The following SHISA9 variants were observed in gnomAD, a reference collection of about 807,000 sequenced individuals.
SHISA9 encodes protein shisa-9.
A neutral mutation model predicts 38.0 loss-of-function variants in SHISA9; 13 were observed. That is an observed-to-expected ratio of 0.34 (90% CI 0.22 to 0.54). The LOEUF (loss-of-function observed/expected upper bound fraction) is 0.54. Among genes scored for constraint, SHISA9 ranks in the 20% least tolerant of loss-of-function variants. The pLI, the probability that SHISA9 is intolerant of heterozygous loss-of-function variation, is 0.91. For missense variants in SHISA9, 538 were observed against 575.8 expected, an observed-to-expected ratio of 0.93 and a Z score of 0.67; for synonymous variants, 275 against 242.0, an observed-to-expected ratio of 1.14 and a Z score of -1.27.
At chr16:13,314,532 G>A in the SHISA9 span, among the ~76,000 whole-genome samples, 3 of 151,902 alleles carry the variant, frequency 2.0e-5, no homozygotes, top group Non-Finnish European at 2.9e-5. Context: ...GAACCACCAC[G>A]CCCAGCCTAT....
chr16:13,476,738 GTTTTTTTTTT>G, the SHISA9 span, among the ~76,000 whole-genome samples: 4,225 of 65,070 alleles, frequency 0.065, 93 homozygotes, highest in East Asian at 0.24. Context: ...CCTGTTTTGT[GTTTTTTTTTT>G]TTTTTTTTTT....
downstream of SHISA9, among the ~76,000 whole-genome samples, chr16:13,243,213 C>T (rs1202227962): frequency 6.6e-6 from 1 of 151,636 alleles, no homozygotes; most frequent in African/African-American, 2.4e-5. Flanking sequence ...GCACTCCAAC[C>T]CTGGGTGACA....
At chr16:13,136,045 C>G (rs764731420) in intron 2 of SHISA9, among the ~76,000 whole-genome samples, 6 of 152,134 alleles carry the variant, frequency 3.9e-5, no homozygotes, top group Non-Finnish European at 5.9e-5. Context: ...CTAAGAATAT[C>G]CACGCTGAAG....
chr16:13,069,344 GTGTA>G (rs887157069), intron 2 of SHISA9, among the ~76,000 whole-genome samples: 3 of 151,644 alleles, frequency 2.0e-5, no homozygotes, highest in African/African-American at 7.3e-5. Flanking sequence ...ATGCATATGT[GTGTA>G]TGTATATATG....
intron 2 of SHISA9, among the ~76,000 whole-genome samples, chr16:13,190,896 T>C (rs2050878577): frequency 6.6e-6 from 1 of 152,224 alleles, no homozygotes; most frequent in Admixed American, 6.5e-5. Flanking sequence ...AAAGGTTTTA[T>C]GATTATATAT....
chr16:12,964,735 A>G (rs1242697788), intron 2 of SHISA9, among the ~76,000 whole-genome samples: 1 of 152,176 alleles, frequency 6.6e-6, no homozygotes, highest in Non-Finnish European at 1.5e-5. Flanking sequence ...CAGGGAATGT[A>G]GGGAATTCCT....
chr16:13,372,976 T>C, the SHISA9 span, among the ~76,000 whole-genome samples: 1 of 152,300 alleles, frequency 6.6e-6, no homozygotes, highest in Admixed American at 6.5e-5. Flanking sequence ...TATCTGTGCT[T>C]TAAACATAAA....
intron 2 of SHISA9, among the ~76,000 whole-genome samples, chr16:13,045,069 G>T (rs2073171481): frequency 6.6e-6 from 1 of 152,162 alleles, no homozygotes; most frequent in Non-Finnish European, 1.5e-5. Flanking sequence ...GTAAGATGGG[G>T]ACGATAACAG....
the SHISA9 span, among the ~76,000 whole-genome samples, chr16:13,383,945 G>A: frequency 6.6e-6 from 1 of 152,100 alleles, no homozygotes; most frequent in African/African-American, 2.4e-5. Context: ...GTGAGCCACC[G>A]TGCCCGGCCA....
At chr16:13,351,729 G>C in the SHISA9 span, among the ~76,000 whole-genome samples, 27 of 152,282 alleles carry the variant, frequency 1.8e-4, no homozygotes, top group African/African-American at 5.1e-4. Context: ...AGCATAAATA[G>C]CGTTCAGCTG....
At chr16:13,151,655 A>G (rs1355397484) in intron 2 of SHISA9, among the ~76,000 whole-genome samples, 1 of 152,186 alleles carries the variant, frequency 6.6e-6, no homozygotes, top group Non-Finnish European at 1.5e-5. Flanking sequence ...ACTCTTTACA[A>G]GCTCTTGAAC....
chr16:13,095,778 T>G (rs981642960), intron 2 of SHISA9, among the ~76,000 whole-genome samples: 4 of 152,180 alleles, frequency 2.6e-5, no homozygotes, highest in African/African-American at 9.7e-5. Context: ...CGATAAATAG[T>G]GAATGGGTTT....
chr16:13,316,212 T>G, the SHISA9 span, among the ~76,000 whole-genome samples: 1 of 152,102 alleles, frequency 6.6e-6, no homozygotes, highest in Non-Finnish European at 1.5e-5. Context: ...GAGGGGTCAG[T>G]GGCTTTGTGT....
chr16:12,929,627 T>C (rs1048959007), intron 2 of SHISA9, among the ~76,000 whole-genome samples: 2 of 149,558 alleles, frequency 1.3e-5, no homozygotes, highest in Non-Finnish European at 3.0e-5. Flanking sequence ...CAACACATAC[T>C]GGGGCCTCTC....
chr16:13,109,610 T>C (rs1253329249), intron 2 of SHISA9, among the ~76,000 whole-genome samples: 2 of 152,254 alleles, frequency 1.3e-5, no homozygotes, highest in African/African-American at 4.8e-5. Flanking sequence ...TACTGACTTG[T>C]GCAACTATCA....
intron 2 of SHISA9, among the ~76,000 whole-genome samples, chr16:13,115,035 T>G (rs946587323): frequency 2.0e-5 from 3 of 152,174 alleles, no homozygotes; most frequent in Non-Finnish European, 4.4e-5. Context: ...TCCATCTATC[T>G]ATCTCTTCAT....
At chr16:13,349,647 G>T in the SHISA9 span, among the ~76,000 whole-genome samples, 1 of 152,186 alleles carries the variant, frequency 6.6e-6, no homozygotes, top group East Asian at 1.9e-4. Context: ...TACCATTACT[G>T]AAAGCATGAA....
chr16:13,050,242 A>T (rs928550897), intron 2 of SHISA9, among the ~76,000 whole-genome samples: 3 of 152,248 alleles, frequency 2.0e-5, no homozygotes, highest in African/African-American at 7.2e-5. Flanking sequence ...TATTATTAAT[A>T]ACTAATATAA....
chr16:13,493,508 A>G, the SHISA9 span, among the ~76,000 whole-genome samples: 1 of 152,190 alleles, frequency 6.6e-6, no homozygotes. Flanking sequence ...GATATCTGAG[A>G]CACACGGGGC....
Sources: gnomAD v4.1 joint callset for allele counts (sites outside exome capture counted in the v4.1 genomes callset) on GRCh38, gnomAD v4.1.1 for gene constraint, MANE v1.5 for transcripts, NCBI Gene and HGNC (gene_info 2026-07-23, HGNC 2026-07-21) for gene names.